The following B4GALNT4 variants were observed in gnomAD, a reference collection of about 807,000 sequenced individuals.
B4GALNT4 encodes the protein beta-1,4-N-acetyl-galactosaminyltransferase 4.
In B4GALNT4, 77 loss-of-function variants were observed where a neutral mutation model predicts 110.0. That is an observed-to-expected ratio of 0.70 (90% CI 0.58 to 0.85). The LOEUF is 0.85. Among genes scored for constraint, B4GALNT4 ranks in the 40% least tolerant of loss-of-function variants. The pLI is 0.00. For missense variants in B4GALNT4, 1,575 were observed against 1,506.0 expected (o/e 1.05, Z -0.76); for synonymous variants, 785 against 655.5 (o/e 1.20, Z -3.02).
Position 376,636 on chromosome 11 carries a change from C to A in B4GALNT4, c.1513C>A (p.Pro505Thr). ...SWAARAARPLPLFLGRAPPPR... is the reference protein window; with the variant it reads ...SWAARAARPLTLFLGRAPPPR... ...GGCCGCCAGGGCCGCCCGCCCTTTG[C>A]CGCTCTTCTTGGGCCGAGCTCCGCC... The change falls in exon 14 of 20, where the codon CCG becomes ACG. Residue 505 changes from proline to threonine, a missense_variant. Coordinates refer to ENST00000329962, the MANE Select transcript of B4GALNT4 (RefSeq NM_178537.5). 1 of 1,422,334 alleles carries A rather than the reference C, an allele frequency of 7.0e-7. No homozygotes were observed. Among genetic ancestry groups the A allele is most frequent in the Non-Finnish European group, 9.2e-7 (1 of 1,089,770 alleles). 88.1% of individuals were successfully genotyped at this position (1,422,334 alleles called of 1,614,324 possible). A position where few individuals can be genotyped will look rare whatever the true frequency, so the allele number is the denominator to read the frequency against.
intron 1 of B4GALNT4, among the ~76,000 whole-genome samples, chr11:371,138 C>T (rs1328187052): frequency 6.6e-6 from 1 of 152,198 alleles, no homozygotes; most frequent in Non-Finnish European, 1.5e-5. Context: ...ATAGGGACCC[C>T]TCTTCCAAGG....
In B4GALNT4 at chr11:380,196, G is replaced by C. The variant is rs1344779945; in HGVS notation, c.2709G>C (p.Ala903=). The change falls in exon 17 of 20, where the codon GCG becomes GCC. Residue 903 remains alanine, a synonymous_variant. Coordinates refer to ENST00000329962, the MANE Select transcript of B4GALNT4 (RefSeq NM_178537.5). ...CCGGGCTGCAGGCGGGAGTGGACGC[G>C]GTAGAGGTCCGAGGGCCCCATGGGG... is the stretch of plus-strand genomic sequence containing the variant. The part of the protein sequence containing the change: ...RSAGLQAGVD[A]VEDASSIVFL... 5 of 1,603,374 alleles carry C rather than the reference G, an allele frequency of 3.1e-6. No individual in the cohort carries two copies. The highest frequency in any genetic ancestry group is 2.2e-5 in the East Asian group (1 of 44,620).
At chr11:379,326 G>T in intron 14 of B4GALNT4, 92 bp from the exon 15 acceptor site, 2 of 1,362,508 alleles carry the variant, frequency 1.5e-6, no homozygotes, top group Non-Finnish European at 9.5e-7. Context: ...CCAACTCCAA[G>T]TCGGCTGAGT....
chr11:380,850 C>T lies in B4GALNT4; in HGVS notation c.2895C>T (p.Gly965=), dbSNP rs761551059. 14 of 1,613,684 alleles carry T rather than the reference C, an allele frequency of 8.7e-6. No homozygotes were observed. The highest frequency in any genetic ancestry group is 1.1e-5 in the Non-Finnish European group (13 of 1,179,886). ...PHGYWEVNGF[G]LFGIYKSDFD... The stretch of plus-strand genomic sequence containing the variant: ...GTTACTGGGAGGTGAACGGCTTTGG[C>T]CTTTTTGGGATCTACAAGTCGGACT... The change falls in exon 19 of 20, where the codon GGC becomes GGT. Residue 965 remains glycine, a synonymous_variant. Coordinates refer to ENST00000329962, the MANE Select transcript of B4GALNT4 (RefSeq NM_178537.5).
Position 381,940 on chromosome 11 carries a change from C to T in B4GALNT4, c.*148C>T, listed in dbSNP as rs567646305. 1,277 of 975,810 alleles carry T rather than the reference C, an allele frequency of 1.3e-3. 2 individuals carry two copies. The highest frequency in any genetic ancestry group is 1.7e-3 in the Non-Finnish European group (1,204 of 719,874). The allele number at this position is 975,810 out of a possible 1,614,324, so 60.4% of individuals were successfully genotyped here. A position where few individuals can be genotyped will look rare whatever the true frequency, so the allele number is the denominator to read the frequency against. ...TGCCCCTCTCTGGCCCACTGGGCGT[C>T]GTGCCCCTCCCCGGAGAGGCAGCCT... On this transcript the variant is annotated 3_prime_UTR_variant, in exon 20 of 20. Transcript: ENST00000329962.
Position 369,970 on chromosome 11 carries a change from C to T in B4GALNT4, c.151+16C>T, listed in dbSNP as rs1214180037. The T allele has an allele frequency of 1.1e-4, 38 of 345,848 alleles. No homozygotes were observed. The East Asian group carries it at 8.5e-3, about 77-fold the overall frequency. 21.4% of individuals were successfully genotyped at this position (345,848 alleles called of 1,614,324 possible). ...TACGGGCGAGGTACGGCGCGGGGGG[C>T]GCGGGGGGCGCGGGGGGCGGGGGCG... On this transcript the variant is annotated intron_variant, in intron 1 of 19. Coordinates refer to ENST00000329962, the MANE Select transcript of B4GALNT4 (RefSeq NM_178537.5).
At chr11:380,675 A>G in intron 18 of B4GALNT4, 150 bp from the exon 19 acceptor site, 1 of 1,387,936 alleles carries the variant, frequency 7.2e-7, no homozygotes, top group Non-Finnish European at 1.0e-6. Flanking sequence ...CTCCAGGGTC[A>G]TGACCCAGTA....
At chr11:377,374 A>T in intron 14 of B4GALNT4, 47 bp downstream of exon 14, 1 of 1,446,932 alleles carries the variant, frequency 6.9e-7, no homozygotes, top group East Asian at 2.7e-5. Context: ...GGAGGCGGGG[A>T]CAGCCGGGGA....
rs1328507036 is a variant in B4GALNT4, at chr11:376,935, G to A, written c.1812G>A (p.Ala604=). The change falls in exon 14 of 20, where the codon GCG becomes GCA. Residue 604 remains alanine (A), a synonymous_variant. Coordinates refer to ENST00000329962, the MANE Select transcript of B4GALNT4 (RefSeq NM_178537.5). ...QATQGGREGQ[A]RTLGPAAPTV... is the part of the protein sequence containing the mutation. ...CCCAAGGGGGCCGGGAGGGCCAGGC[G>A]CGCACGCTGGGACCTGCGGCGCCCA... 7.7e-6 allele frequency: 11 copies of A among 1,426,188 alleles called. No individual in the cohort carries two copies. The highest frequency in any genetic ancestry group is 1.5e-5 in the South Asian group (1 of 66,358). 88.3% of individuals were successfully genotyped at this position (1,426,188 alleles called of 1,614,324 possible). A position where few individuals can be genotyped will look rare whatever the true frequency, so the allele number is the denominator to read the frequency against.
chr11:378,417 C>T (rs1846804829), intron 14 of B4GALNT4, among the ~76,000 whole-genome samples: 2 of 152,156 alleles, frequency 1.3e-5, no homozygotes, highest in African/African-American at 4.8e-5. Context: ...TTGGGGGCCT[C>T]ATGGGAAGAT....
In B4GALNT4 at chr11:376,158, C is replaced by T. The variant is rs1472219714; in HGVS notation, c.1180C>T (p.Pro394Ser). The T allele has an allele frequency of 1.9e-6, 3 of 1,575,542 alleles. No individual in the cohort carries two copies. The highest frequency in any genetic ancestry group is 1.4e-5 in the African/African-American group (1 of 73,098). Residue 394 changes from proline to serine, a missense_variant, in exon 12 of 20, where the codon CCG (proline) becomes TCG (serine). Pro to Ser is a moderately conservative substitution (Grantham distance 74, BLOSUM62 -1). Transcript: ENST00000329962. The part of the protein sequence containing the change: ...TDNKCFYRES[P>S]LYLERFGFYK... ...CAACAAGTGCTTCTACCGCGAGTCT[C>T]CGCTGTATCTGGAGAGGTGGGCGCG...
In B4GALNT4 at chr11:375,926, C is replaced by A; in HGVS notation, c.1065C>A (p.Phe355Leu). 6.2e-7 allele frequency: 1 copy of A among 1,612,060 alleles called. No homozygotes were observed. The highest frequency in any genetic ancestry group is 8.5e-7 in the Non-Finnish European group (1 of 1,179,596). The change falls in exon 11 of 20, where the codon TTC (phenylalanine) becomes TTA (leucine). Residue 355 changes from phenylalanine to leucine, a missense_variant. Physicochemically the swap from Phe to Leu is conservative, Grantham distance 22. Coordinates refer to ENST00000329962, the MANE Select transcript of B4GALNT4 (RefSeq NM_178537.5). ...AYAPTYVVKD[F>L]PIARYQGLQF... ...CCCCCACCTACGTGGTCAAGGACTT[C>A]CCGATCGCCAGATACCAGGGCCTGC...
Position 373,844 on chromosome 11 carries a change from C to T in B4GALNT4, c.783+16C>T, listed in dbSNP as rs759245295. 3 of 1,610,574 alleles carry T rather than the reference C, an allele frequency of 1.9e-6. No individual in the cohort carries two copies. The highest frequency in any genetic ancestry group is 2.5e-6 in the Non-Finnish European group (3 of 1,179,372). ...GGAAGTGGGCGTGAGTGCCTTCCTC[C>T]CCTGGGGGCTTCTGGAGACTCCACT... On this transcript the variant is annotated intron_variant, in intron 8 of 19. Coordinates refer to ENST00000329962, the MANE Select transcript of B4GALNT4 (RefSeq NM_178537.5).
Position 380,275 on chromosome 11 carries a change from C to T in B4GALNT4, c.2716-17C>T, listed in dbSNP as rs1846846639. 1.2e-6 allele frequency: 2 copies of T among 1,611,634 alleles called. No individual in the cohort carries two copies. Among genetic ancestry groups the T allele is most frequent in the African/African-American group, 2.7e-5 (2 of 74,862 alleles). Reference sequence around the variant, plus strand: ...GGAGGAGCGGAGGGCGGGGCTCAGACCTCCCGCACCCCCCAGGACGCCAGC... The same window carrying T: ...GGAGGAGCGGAGGGCGGGGCTCAGATCTCCCGCACCCCCCAGGACGCCAGC... On this transcript the variant is annotated splice_polypyrimidine_tract_variant and intron_variant, in intron 17 of 19. Coordinates refer to ENST00000329962, the MANE Select transcript of B4GALNT4 (RefSeq NM_178537.5).
chr11:377,341 C>T lies in B4GALNT4; in HGVS notation c.2204+14C>T, dbSNP rs201026612. On this transcript the variant is annotated intron_variant, in intron 14 of 19. Transcript: ENST00000329962. Reference sequence around the variant, plus strand: ...GCGCCACGGCGGGTATGGGGGCGGCCGAACGCGCGCCAGGGCGGTTTTGGA... The same window carrying T: ...GCGCCACGGCGGGTATGGGGGCGGCTGAACGCGCGCCAGGGCGGTTTTGGA... The T allele has an allele frequency of 9.2e-3, 13,721 of 1,489,198 alleles. 76 individuals are homozygous for T. Among genetic ancestry groups the T allele is most frequent in the Non-Finnish European group, 0.011 (12,054 of 1,124,802 alleles). 92.2% of individuals were successfully genotyped at this position (1,489,198 alleles called of 1,614,324 possible). A position where few individuals can be genotyped will look rare whatever the true frequency, so the allele number is the denominator to read the frequency against.
At chr11:373,699 A>G (rs754941832) in intron 7 of B4GALNT4, 51 bp from the exon 8 acceptor site, 1 of 1,589,936 alleles carries the variant, frequency 6.3e-7, no homozygotes, top group South Asian at 1.1e-5. Flanking sequence ...CCCTGCCTCC[A>G]CTATTTGAGC....
At position 373,792 on chromosome 11, in the gene B4GALNT4, G is replaced by A. The variant is rs932994018; in HGVS notation, c.747G>A (p.Lys249=). The A allele has an allele frequency of 8.7e-6, 14 of 1,612,216 alleles. No homozygotes were observed. In the African/African-American group the frequency reaches 1.9e-4, roughly 22 times the overall value. Residue 249 remains lysine, a synonymous_variant, in exon 8 of 20, where the codon AAG becomes AAA. Transcript: ENST00000329962. ...SRRYYFELLH[K]QDDRGSDHVE... ...GGTACTACTTTGAGTTGCTGCACAA[G>A]CAGGACGACCGCGGCTCGGACCACG...
chr11:379,598 A>G lies in B4GALNT4; in HGVS notation c.2385A>G (p.Glu795=), dbSNP rs1134699. The change falls in exon 15 of 20, where the codon GAA becomes GAG. Residue 795 remains glutamate, a synonymous_variant. Coordinates refer to ENST00000329962, the MANE Select transcript of B4GALNT4 (RefSeq NM_178537.5). ...RVGDADGESP[E]PAPAASVRPD... Reference sequence around the variant, plus strand: ...GGGATGCAGACGGAGAAAGTCCCGAACCCGCTCCCGCCGCCTCCGTGCGCC... The same window carrying G: ...GGGATGCAGACGGAGAAAGTCCCGAGCCCGCTCCCGCCGCCTCCGTGCGCC... The G allele has an allele frequency of 0.42, 650,191 of 1,562,326 alleles. 138,122 individuals are homozygous for G. Among genetic ancestry groups the G allele is most frequent in the African/African-American group, 0.62 (45,299 of 72,756 alleles).
At chr11:373,403 A>AATGGGGGGGGGGGGGGG in intron 6 of B4GALNT4, 46 bp from the exon 7 acceptor site, 1 of 1,259,488 alleles carries the variant, frequency 7.9e-7, no homozygotes, top group Non-Finnish European at 1.1e-6. Context: ...CCAGGGAGAG[A>AATGGGGGGGGGGGGGGG]GTGAACCCCC....
Sources: allele counts gnomAD v4.1 joint callset (sites outside exome capture counted in the v4.1 genomes callset), GRCh38; gene constraint gnomAD v4.1.1; transcripts MANE v1.5; gene names NCBI Gene and HGNC (gene_info 2026-07-23, HGNC 2026-07-21).